NSMCE2: variants seen among roughly 807,000 people sequenced by gnomAD.
NSMCE2 encodes NSE2 SUMO ligase component of SMC5/6 complex.
NSMCE2 carries 24 observed loss-of-function variants against 23.8 expected under a neutral mutation model. The ratio of observed to expected loss-of-function variants is 1.01; its 90% confidence interval spans 0.73 to 1.42. The LOEUF (loss-of-function observed/expected upper bound fraction) is 1.42. NSMCE2 is among the 40% of genes most tolerant of loss of function. NSMCE2 has a pLI of 0.00. For missense variants in NSMCE2, 284 were observed against 296.5 expected, an observed-to-expected ratio of 0.96 and a Z score of 0.31; for synonymous variants, 92 against 94.1, an observed-to-expected ratio of 0.98 and a Z score of 0.13.
chr8:125,118,087 C>T (rs1253125864), intron 3 of NSMCE2, among the ~76,000 whole-genome samples: 1 of 152,094 alleles, frequency 6.6e-6, no homozygotes, highest in Non-Finnish European at 1.5e-5. Context: ...AGAAGGGTCA[C>T]AACTGTAATC....
rs140128901 is a variant in NSMCE2, at chr8:125,111,859, T to A, written c.157+9372T>A. Among the ~76,000 whole-genome samples the A allele has an allele frequency of 3.3e-5, 5 of 152,364 alleles. No homozygotes were observed. In the East Asian group the frequency reaches 9.6e-4, roughly 29 times the overall value. On this transcript the variant is annotated intron_variant, in intron 3 of 7. Transcript: ENST00000287437. ...ATTGGATATGTCAATACAACTGACCTGATATTTTCAGGGCTTGATTTTTTA... is the reference window on the plus strand; with the variant it reads ...ATTGGATATGTCAATACAACTGACCAGATATTTTCAGGGCTTGATTTTTTA...
chr8:125,296,850 A>G (rs1193360581), intron 5 of NSMCE2, among the ~76,000 whole-genome samples: 8 of 152,366 alleles, frequency 5.3e-5, no homozygotes, highest in Non-Finnish European at 1.5e-5. Flanking sequence ...TGGAATAAAA[A>G]TGAATCAGAG....
intron 7 of NSMCE2, among the ~76,000 whole-genome samples, chr8:125,359,038 G>A (rs1174837417): frequency 5.9e-5 from 9 of 151,840 alleles, no homozygotes; most frequent in African/African-American, 1.7e-4. Context: ...AGGCCGAGGC[G>A]GGTGGATCAC....
chr8:125,340,839 A>C (rs1195561491), intron 5 of NSMCE2, among the ~76,000 whole-genome samples: 1 of 152,190 alleles, frequency 6.6e-6, no homozygotes, highest in African/African-American at 2.4e-5. Context: ...AACAATTAAA[A>C]TTATCCTTTT....
intron 5 of NSMCE2, among the ~76,000 whole-genome samples, chr8:125,298,700 T>G (rs997397224): frequency 5.9e-5 from 9 of 151,334 alleles, no homozygotes; most frequent in African/African-American, 1.7e-4. Flanking sequence ...TTTTTTTGTT[T>G]TTTTTTTTTT....
intron 5 of NSMCE2, among the ~76,000 whole-genome samples, chr8:125,302,694 G>T (rs541402627): frequency 6.6e-6 from 1 of 152,178 alleles, no homozygotes; most frequent in South Asian, 2.1e-4. Context: ...AAAGGACCCT[G>T]AGACAGAGGG....
chr8:125,285,988 AT>A (rs1827878685), intron 5 of NSMCE2, among the ~76,000 whole-genome samples: 1 of 151,854 alleles, frequency 6.6e-6, no homozygotes, highest in Admixed American at 6.6e-5. Context: ...TTGGAATCCC[AT>A]TTTTACAGCC....
At chr8:125,149,264 A>C (rs1453172075) in intron 3 of NSMCE2, among the ~76,000 whole-genome samples, 1 of 152,242 alleles carries the variant, frequency 6.6e-6, no homozygotes, top group Non-Finnish European at 1.5e-5. Flanking sequence ...GTCTTCTACC[A>C]GAAGCATGTT....
At chr8:125,212,493 G>A (rs1355980667) in intron 5 of NSMCE2, among the ~76,000 whole-genome samples, 3 of 152,156 alleles carry the variant, frequency 2.0e-5, no homozygotes, top group Admixed American at 2.0e-4. Flanking sequence ...TGAACAACAA[G>A]GTGAAAAGAG....
At chr8:125,142,087 G>A (rs766998987) in intron 3 of NSMCE2, among the ~76,000 whole-genome samples, 1 of 151,634 alleles carries the variant, frequency 6.6e-6, no homozygotes, top group Non-Finnish European at 1.5e-5. Flanking sequence ...GGTTCCAAAG[G>A]CAAAGTGCTT....
intron 5 of NSMCE2, among the ~76,000 whole-genome samples, chr8:125,253,390 C>T (rs72720571): frequency 0.18 from 27,348 of 152,086 alleles, 2,901 homozygotes; most frequent in Middle Eastern, 0.34. Context: ...TCTTTTCGCC[C>T]TGAGCAAAAA....
At position 125,093,987 on chromosome 8, in the gene NSMCE2, A is replaced by T. The variant is rs373716180; in HGVS notation, c.-111+2029A>T. 4.0e-3 allele frequency among the ~76,000 whole-genome samples: 584 copies of T among 146,814 alleles called. 8 individuals carry two copies. The highest frequency in any genetic ancestry group is 0.013 in the African/African-American group (512 of 39,780). On this transcript the variant is annotated intron_variant, in intron 1 of 7. Transcript: ENST00000287437. ...AAGTTTAAATTTTTTTTTTTTTTGT[A>T]GAGTTGGGGTCTTGCTGTGTTGCCC...
At chr8:125,224,615 T>G (rs1292605791) in intron 5 of NSMCE2, among the ~76,000 whole-genome samples, 9 of 152,224 alleles carry the variant, frequency 5.9e-5, no homozygotes, top group Admixed American at 5.9e-4. Context: ...TGAACATAAA[T>G]TCATAGATTT....
At chr8:125,278,393 G>T (rs561415675) in intron 5 of NSMCE2, among the ~76,000 whole-genome samples, 24 of 152,180 alleles carry the variant, frequency 1.6e-4, no homozygotes, top group Non-Finnish European at 3.1e-4. Context: ...TAGGAAGTTG[G>T]GGGTGGCACA....
intron 3 of NSMCE2, among the ~76,000 whole-genome samples, chr8:125,134,292 T>G (rs901050825): frequency 6.6e-6 from 1 of 152,210 alleles, no homozygotes; most frequent in Non-Finnish European, 1.5e-5. Flanking sequence ...TGGTTTAAAT[T>G]ATATAGTTAA....
At chr8:125,274,300 G>T (rs1337681032) in intron 5 of NSMCE2, among the ~76,000 whole-genome samples, 1 of 152,154 alleles carries the variant, frequency 6.6e-6, no homozygotes, top group Non-Finnish European at 1.5e-5. Context: ...GGGTTCCAAA[G>T]TAAATTAGTG....
At chr8:125,363,785 G>A (rs1037139451) in intron 7 of NSMCE2, among the ~76,000 whole-genome samples, 1 of 152,118 alleles carries the variant, frequency 6.6e-6, no homozygotes, top group Non-Finnish European at 1.5e-5. Flanking sequence ...TTTTAAACTA[G>A]TGTAAAACAT....
At chr8:125,321,033 A>G (rs905669539) in intron 5 of NSMCE2, among the ~76,000 whole-genome samples, 5 of 152,188 alleles carry the variant, frequency 3.3e-5, no homozygotes, top group Non-Finnish European at 1.5e-5. Context: ...GAACTCTATC[A>G]TGAGAACAGC....
chr8:125,116,696 T>G (rs1053628732), intron 3 of NSMCE2, among the ~76,000 whole-genome samples: 1 of 152,158 alleles, frequency 6.6e-6, no homozygotes, highest in Non-Finnish European at 1.5e-5. Context: ...CAGTAATGTC[T>G]GTGATGTTAC....
Sources: allele counts gnomAD v4.1 joint callset (sites outside exome capture counted in the v4.1 genomes callset), GRCh38; gene constraint gnomAD v4.1.1; transcripts MANE v1.5; gene names NCBI Gene and HGNC (gene_info 2026-07-23, HGNC 2026-07-21).